IL1RAPL1: variants seen among roughly 807,000 people sequenced by gnomAD.
The protein encoded by IL1RAPL1 is interleukin-1 receptor accessory protein-like 1.
IL1RAPL1 carries 3 observed loss-of-function variants against 48.4 expected under a neutral mutation model. The observed-to-expected ratio is 0.06, with a 90% CI of 0.03 to 0.16. IL1RAPL1 has a LOEUF of 0.16. IL1RAPL1 is among the 10% of genes least tolerant of loss of function. The probability of loss-of-function intolerance (pLI) is 1.00; values close to 1 mark genes in which losing one functional copy is unlikely to be tolerated. For missense variants in IL1RAPL1, 349 were observed against 530.6 expected, an observed-to-expected ratio of 0.66 and a Z score of 3.36; for synonymous variants, 185 against 187.7, an observed-to-expected ratio of 0.99 and a Z score of 0.12.
chrX:29,608,805 G>C (rs866357784), intron 5 of IL1RAPL1, among the ~76,000 whole-genome samples: 9 of 107,635 alleles, frequency 8.4e-5, no homozygotes, highest in South Asian at 4.4e-4. Flanking sequence ...CAGCCTGGGC[G>C]ACAGAGCGAG....
intron 2 of IL1RAPL1, among the ~76,000 whole-genome samples, chrX:28,812,825 T>C (rs756197982): frequency 9.0e-6 from 1 of 110,753 alleles, no homozygotes; most frequent in African/African-American, 3.3e-5. Context: ...TGTTAAACGC[T>C]GTCTCCTCAG....
rs751624483 is a variant in IL1RAPL1, at chrX:29,138,775, T to TA, written c.83-144145dup. Among the ~76,000 whole-genome samples, 504 of 67,307 alleles carry TA rather than the reference T, an allele frequency of 7.5e-3. 3 individuals are homozygous for TA. The highest frequency in any genetic ancestry group is 0.019 in the African/African-American group (345 of 18,333). The allele number at this position is 67,307 out of a possible 115,157, so 58.4% of individuals were successfully genotyped here. A position where few individuals can be genotyped will look rare whatever the true frequency, so the allele number is the denominator to read the frequency against. On this transcript the variant is annotated intron_variant, in intron 2 of 10. Transcript: ENST00000378993. ...CTGGGTGACAGAGCGAGACTCCATC[T>TA]AAAAAAAAAAAAAAAAAAGAAAGAA...
rs1021777686 is a variant in IL1RAPL1 at position 29,364,798 on chromosome X, T to G, written c.363-31460T>G. Among the ~76,000 whole-genome samples the G allele has an allele frequency of 1.4e-4, 15 of 110,839 alleles. No homozygotes were observed. The Admixed American group carries it at 1.4e-3, about 10-fold the overall frequency. On this transcript the variant is annotated intron_variant, in intron 3 of 10. Transcript: ENST00000378993. Reference sequence around the variant, plus strand: ...GTTATATGCAAATACTACACCATTTTATAACAGGGACTTGAACATCTGTGG... The same window carrying G: ...GTTATATGCAAATACTACACCATTTGATAACAGGGACTTGAACATCTGTGG...
Position 28,989,880 on chromosome X carries a change from A to T in IL1RAPL1, c.82+200455A>T, listed in dbSNP as rs752502352. The stretch of plus-strand genomic sequence containing the variant: ...ATATTGCTCAAATTTATTCTAATAT[A>T]GTTTATGATAGAAAAATTATTTCTA... On this transcript the variant is annotated intron_variant, in intron 2 of 10. Transcript: ENST00000378993. Among the ~76,000 whole-genome samples the T allele has an allele frequency of 1.5e-4, 17 of 111,938 alleles. No individual in the cohort carries two copies. The South Asian group carries it at 6.2e-3, about 41-fold the overall frequency.
rs776574191 is a variant in IL1RAPL1 at position 29,077,484 on chromosome X, T to A, written c.83-205454T>A. 2.8e-5 allele frequency among the ~76,000 whole-genome samples: 3 copies of A among 108,838 alleles called. No homozygotes were observed. In the Admixed American group the frequency reaches 3.0e-4, roughly 11 times the overall value. 94.5% of individuals were successfully genotyped at this position (108,838 alleles called of 115,157 possible). A position where few individuals can be genotyped will look rare whatever the true frequency, so the allele number is the denominator to read the frequency against. The stretch of plus-strand genomic sequence containing the variant: ...TGGGCATGGTGGTGTGCACCTGTAA[T>A]CCCAGCTACTCAGGAGGCTGAGGTC... On this transcript the variant is annotated intron_variant, in intron 2 of 10. Transcript: ENST00000378993.
At chrX:28,886,844 C>T (rs1922643279) in intron 2 of IL1RAPL1, among the ~76,000 whole-genome samples, 1 of 110,855 alleles carries the variant, frequency 9.0e-6, no homozygotes, top group Admixed American at 9.7e-5. Flanking sequence ...AAGATAACCT[C>T]ATATTCATAA....
intron 5 of IL1RAPL1, among the ~76,000 whole-genome samples, chrX:29,651,723 T>C (rs1298111848): frequency 9.0e-6 from 1 of 111,720 alleles, no homozygotes. Context: ...ATGACTATCA[T>C]TGATGACAGT....
At chrX:29,536,998 A>G (rs186853579) in intron 5 of IL1RAPL1, among the ~76,000 whole-genome samples, 3 of 110,965 alleles carry the variant, frequency 2.7e-5, no homozygotes, top group East Asian at 2.8e-4. Context: ...AAAATTATAT[A>G]AACAAATTTT....
chrX:28,613,981 A>G (rs757783712), intron 1 of IL1RAPL1, among the ~76,000 whole-genome samples: 1 of 111,643 alleles, frequency 9.0e-6, no homozygotes, highest in Non-Finnish European at 1.9e-5. Flanking sequence ...GCTGCCACTA[A>G]TTTATGCTAC....
At chrX:28,662,405 C>G (rs937019375) in intron 1 of IL1RAPL1, among the ~76,000 whole-genome samples, 49 of 110,940 alleles carry the variant, frequency 4.4e-4, no homozygotes, top group African/African-American at 1.5e-3. Flanking sequence ...GTTTTAAAAC[C>G]TAAGAAAAGA....
chrX:29,900,103 T>G (rs12837069), intron 6 of IL1RAPL1, among the ~76,000 whole-genome samples: 13,357 of 111,043 alleles, frequency 0.12, 733 homozygotes, highest in Admixed American at 0.2. Context: ...AGAGCAAACT[T>G]CTGCCTGAAA....
chrX:29,873,562 G>A (rs932488516), intron 6 of IL1RAPL1, among the ~76,000 whole-genome samples: 5 of 111,682 alleles, frequency 4.5e-5, no homozygotes, highest in Non-Finnish European at 7.5e-5. Context: ...AGTGTAATCC[G>A]TGAAGCAGAG....
intron 5 of IL1RAPL1, among the ~76,000 whole-genome samples, chrX:29,507,187 G>A (rs962486170): frequency 1.9e-5 from 2 of 107,344 alleles, no homozygotes; most frequent in East Asian, 5.9e-4. Flanking sequence ...TCACCATTAT[G>A]AAACCAGAAG....
intron 6 of IL1RAPL1, among the ~76,000 whole-genome samples, chrX:29,698,882 C>G (rs1926983060): frequency 8.9e-6 from 1 of 112,046 alleles, no homozygotes; most frequent in African/African-American, 3.2e-5. Flanking sequence ...TATTAGTTCT[C>G]CATACAGAGA....
chrX:29,849,298 A>C (rs1931313740), intron 6 of IL1RAPL1, among the ~76,000 whole-genome samples: 1 of 111,684 alleles, frequency 9.0e-6, no homozygotes, highest in African/African-American at 3.3e-5. Context: ...CCTGACTCTG[A>C]TACCTGAAAC....
intron 9 of IL1RAPL1, among the ~76,000 whole-genome samples, chrX:29,943,623 A>G (rs1933170451): frequency 8.9e-6 from 1 of 112,285 alleles, no homozygotes; most frequent in Non-Finnish European, 1.9e-5. Context: ...TTGAAAAAGC[A>G]CATTACCTAA....
rs1334924603 is a variant in IL1RAPL1 at position 28,682,048 on chromosome X, G to A, written c.-25+94001G>A. ...TCATATAAATGGAATCATACAATAC[G>A]TGACTTTTCGTGTCTGGCTTCTTTC... On this transcript the variant is annotated intron_variant, in intron 1 of 10. Coordinates refer to ENST00000378993, the MANE Select transcript of IL1RAPL1 (RefSeq NM_014271.4). 5.4e-5 allele frequency among the ~76,000 whole-genome samples: 6 copies of A among 111,684 alleles called. No homozygotes were observed. In the East Asian group the frequency reaches 1.7e-3, roughly 32 times the overall value.
Position 29,372,221 on chromosome X carries a change from CTTCCT to C in IL1RAPL1, c.363-24034_363-24030del, listed in dbSNP as rs200820005. ...ATATGTTTGTTGGTTGCTTGTATGT[CTTCCT>C]TTGAGAAGTGTCTGTTCATATCCTT... On this transcript the variant is annotated intron_variant, in intron 3 of 10. Coordinates refer to ENST00000378993, the MANE Select transcript of IL1RAPL1 (RefSeq NM_014271.4). Among the ~76,000 whole-genome samples, 1,100 of 112,279 alleles carry C rather than the reference CTTCCT, an allele frequency of 9.8e-3. 7 individuals are homozygous for C. The highest frequency in any genetic ancestry group is 0.018 in the Middle Eastern group (4 of 219).
chrX:28,849,463 A>T (rs1198428015), intron 2 of IL1RAPL1, among the ~76,000 whole-genome samples: 1 of 112,122 alleles, frequency 8.9e-6, no homozygotes, highest in Non-Finnish European at 1.9e-5. Context: ...CATATGAAAG[A>T]TACTTTAAAA....
Sources: allele counts gnomAD v4.1 joint callset (sites outside exome capture counted in the v4.1 genomes callset), GRCh38; gene constraint gnomAD v4.1.1; transcripts MANE v1.5; gene names NCBI Gene and HGNC (gene_info 2026-07-23, HGNC 2026-07-21).